FOSL2: variants seen among roughly 807,000 people sequenced by gnomAD.
FOSL2 encodes FOS like 2, AP-1 transcription factor subunit, also known as fos-related antigen 2.
Under a neutral mutation model 27.7 loss-of-function variants are expected in FOSL2, and 3 were observed. The ratio of observed to expected loss-of-function variants is 0.11; its 90% CI spans 0.05 to 0.28. FOSL2 has a LOEUF of 0.28. FOSL2 is among the 10% of genes least tolerant of loss of function. FOSL2 has a pLI of 1.00. For synonymous variants in FOSL2, 179 were observed against 190.1 expected, an observed-to-expected ratio of 0.94 and a Z score of 0.48; for missense variants, 333 against 445.1, an observed-to-expected ratio of 0.75 and a Z score of 2.27.
intron 1 of FOSL2, among the ~76,000 whole-genome samples, chr2:28,402,785 G>A (rs971995367): frequency 6.6e-6 from 1 of 152,182 alleles, no homozygotes; most frequent in Admixed American, 6.5e-5. Flanking sequence ...CAGGGGCTCT[G>A]GCCTCTTTGT....
chr2:28,403,276 C>T (rs1664010612), intron 1 of FOSL2, among the ~76,000 whole-genome samples: 2 of 152,156 alleles, frequency 1.3e-5, no homozygotes, highest in African/African-American at 4.8e-5. Flanking sequence ...ATGCTTCCTG[C>T]AGCATGTTCC....
intron 1 of FOSL2, among the ~76,000 whole-genome samples, chr2:28,394,156 T>G (rs1386718938): frequency 1.5e-3 from 58 of 39,224 alleles, no homozygotes; most frequent in African/African-American, 4.7e-3. Flanking sequence ...CCCCCACCCC[T>G]GCCCCGCGTC....
In FOSL2 at chr2:28,415,521, C is replaced by T. The variant is rs766923483; in HGVS notation, c.*3073C>T. 1.3e-5 allele frequency: 2 copies of T among 152,214 alleles called. No individual in the cohort carries two copies. The highest frequency in any genetic ancestry group is 2.4e-5 in the African/African-American group (1 of 41,460). The allele number at this position is 152,214 out of a possible 1,614,324, so 9.4% of individuals were successfully genotyped here. On this transcript the variant is annotated 3_prime_UTR_variant, in exon 4 of 4. Transcript: ENST00000264716. ...TCAGGCTCTGGGGAAAGGAATCTCC[C>T]TCTCCTCTCACTTGATTCCAAGTGT...
Position 28,393,704 on chromosome 2 carries a change from G to T in FOSL2, c.-17G>T, listed in dbSNP as rs776385440. 1 of 1,585,318 alleles carries T rather than the reference G, an allele frequency of 6.3e-7. No homozygotes were observed. The highest frequency in any genetic ancestry group is 8.6e-7 in the Non-Finnish European group (1 of 1,160,718). On this transcript the variant is annotated 5_prime_UTR_variant, in exon 1 of 4. Transcript: ENST00000264716. The surrounding 1 kb of genome is among the most constrained non-coding windows in gnomAD (Gnocchi z 4.6). ...AAGAAAAACACCCTGTTTCCTCTCC[G>T]GCCCCCACCGCGGATCATGTACCAG...
In FOSL2 at chr2:28,393,228, A is replaced by C; in HGVS notation, c.-493A>C. 1 of 221,800 alleles carries C rather than the reference A, an allele frequency of 4.5e-6. No homozygotes were observed. 13.7% of individuals were successfully genotyped at this position (221,800 alleles called of 1,614,324 possible). ...AGTTTATTCTCCGGCTCCTTTTCTAAAAGGAAGAAACAGAAGTTTCTCCCA... is the reference window on the plus strand; with the variant it reads ...AGTTTATTCTCCGGCTCCTTTTCTACAAGGAAGAAACAGAAGTTTCTCCCA... On this transcript the variant is annotated 5_prime_UTR_variant, in exon 1 of 4. Transcript: ENST00000264716. This position sits in a 1 kb window ranked among gnomAD's most constrained non-coding sequence, Gnocchi z 4.6.
chr2:28,408,179 C>T lies in FOSL2; in HGVS notation c.355-580C>T, dbSNP rs906823847. Among the ~76,000 whole-genome samples, 8 of 152,164 alleles carry T rather than the reference C, an allele frequency of 5.3e-5. No individual in the cohort carries two copies. The highest frequency in any genetic ancestry group is 1.0e-4 in the Non-Finnish European group (7 of 68,034). Reference sequence around the variant, plus strand: ...GCACCCTGGGATTGGCAGAGGAAATCGGGAGTGGAGTGGCACTCTTGGCCC... The same window carrying T: ...GCACCCTGGGATTGGCAGAGGAAATTGGGAGTGGAGTGGCACTCTTGGCCC... On this transcript the variant is annotated intron_variant, in intron 2 of 3. Coordinates refer to ENST00000264716, the MANE Select transcript of FOSL2 (RefSeq NM_005253.4). The surrounding 1 kb of genome is among the most constrained non-coding windows in gnomAD (Gnocchi z 4.1).
rs942023013 is a variant in FOSL2 at position 28,404,660 on chromosome 2, G to T, written c.354+302G>T. 1.3e-5 allele frequency among the ~76,000 whole-genome samples: 2 copies of T among 152,166 alleles called. No homozygotes were observed. The highest frequency in any genetic ancestry group is 4.8e-5 in the African/African-American group (2 of 41,432). On this transcript the variant is annotated intron_variant, in intron 2 of 3. Coordinates refer to ENST00000264716, the MANE Select transcript of FOSL2 (RefSeq NM_005253.4). The surrounding 1 kb of genome is among the most constrained non-coding windows in gnomAD (Gnocchi z 4.7). ...GGCTACAGATGGGAAGGACCATTAC[G>T]ACCTGCCCACAGCAGGATCCTTCTC...
Position 28,392,938 on chromosome 2 carries a change from G to A in FOSL2, c.-783G>A. 1 of 701,556 alleles carries A rather than the reference G, an allele frequency of 1.4e-6. No homozygotes were observed. The highest frequency in any genetic ancestry group is 1.5e-5 in the South Asian group (1 of 66,982). The allele number at this position is 701,556 out of a possible 1,614,324, so 43.5% of individuals were successfully genotyped here. On this transcript the variant is annotated 5_prime_UTR_variant, in exon 1 of 4. Coordinates refer to ENST00000264716, the MANE Select transcript of FOSL2 (RefSeq NM_005253.4). ...GAACGAGCGGCGCTCGGCGGGGACA[G>A]AAAGAGGGAGAGAGAGAGAGAGAGA... is the stretch of plus-strand genomic sequence containing the variant.
rs1413089043 is a variant in FOSL2, at chr2:28,416,913, A to G, written c.*4465A>G. On this transcript the variant is annotated 3_prime_UTR_variant, in exon 4 of 4. Transcript: ENST00000264716. ...GGCAAACAAGTTGTATATGGTTCAT[A>G]TGGCTCTATGGGGAATTTAATTACC... 6.9e-6 allele frequency: 1 copy of G among 143,994 alleles called. No individual in the cohort carries two copies. The highest frequency in any genetic ancestry group is 1.5e-5 in the Non-Finnish European group (1 of 66,214). The allele number at this position is 143,994 out of a possible 1,614,324, so 8.9% of individuals were successfully genotyped here. A position where few individuals can be genotyped will look rare whatever the true frequency, so the allele number is the denominator to read the frequency against.
rs1664037680 is a variant in FOSL2, at chr2:28,404,444, G to T, written c.354+86G>T. 1 of 1,491,162 alleles carries T rather than the reference G, an allele frequency of 6.7e-7. No individual in the cohort carries two copies. Among genetic ancestry groups the T allele is most frequent in the Non-Finnish European group, 9.1e-7 (1 of 1,102,878 alleles). The allele number at this position is 1,491,162 out of a possible 1,614,324, so 92.4% of individuals were successfully genotyped here. On this transcript the variant is annotated intron_variant, in intron 2 of 3. Transcript: ENST00000264716. This position sits in a 1 kb window ranked among gnomAD's most constrained non-coding sequence, Gnocchi z 4.7. Reference sequence around the variant, plus strand: ...GAACGGGTTTCTGCAGACTGGGAGGGTTAATGTTCTGAGAGCAGGGGAGAC... The same window carrying T: ...GAACGGGTTTCTGCAGACTGGGAGGTTTAATGTTCTGAGAGCAGGGGAGAC...
intron 3 of FOSL2, among the ~76,000 whole-genome samples, chr2:28,409,804 G>A (rs1664154184): frequency 6.6e-6 from 1 of 152,136 alleles, no homozygotes; most frequent in Non-Finnish European, 1.5e-5. Context: ...GCAGTGGGAC[G>A]ATCTCAGCTC....
rs1233241380 is a variant in FOSL2 at position 28,416,489 on chromosome 2, G to T, written c.*4041G>T. Reference sequence around the variant, plus strand: ...CTTTTTTTTTTTTTTTTTAAATTTAGGATAACACATTTTTGTTTCTAAAGT... The same window carrying T: ...CTTTTTTTTTTTTTTTTTAAATTTATGATAACACATTTTTGTTTCTAAAGT... On this transcript the variant is annotated 3_prime_UTR_variant, in exon 4 of 4. Transcript: ENST00000264716. 1.4e-5 allele frequency: 2 copies of T among 142,320 alleles called. No individual in the cohort carries two copies. Among genetic ancestry groups the T allele is most frequent in the African/African-American group, 2.6e-5 (1 of 38,270 alleles). 8.8% of individuals were successfully genotyped at this position (142,320 alleles called of 1,614,324 possible). A position where few individuals can be genotyped will look rare whatever the true frequency, so the allele number is the denominator to read the frequency against.
rs1166787223 is a variant in FOSL2, at chr2:28,417,153, A to G, written c.*4705A>G. 2.0e-5 allele frequency: 3 copies of G among 152,020 alleles called. No homozygotes were observed. Among genetic ancestry groups the G allele is most frequent in the African/African-American group, 7.3e-5 (3 of 41,370 alleles). The allele number at this position is 152,020 out of a possible 1,614,324, so 9.4% of individuals were successfully genotyped here. A position where few individuals can be genotyped will look rare whatever the true frequency, so the allele number is the denominator to read the frequency against. On this transcript the variant is annotated 3_prime_UTR_variant, in exon 4 of 4. Transcript: ENST00000264716. The stretch of plus-strand genomic sequence containing the variant: ...TTTACTATATGTAATACAAGCCTAC[A>G]GTATTTGCACTAAAGAAAGCTTGTT...
rs562022145 is a variant in FOSL2, at chr2:28,414,107, C to G, written c.*1659C>G. 2.9e-6 allele frequency: 1 copy of G among 346,448 alleles called. No homozygotes were observed. The highest frequency in any genetic ancestry group is 2.1e-5 in the African/African-American group (1 of 47,888). The allele number at this position is 346,448 out of a possible 1,614,324, so 21.5% of individuals were successfully genotyped here. On this transcript the variant is annotated 3_prime_UTR_variant, in exon 4 of 4. Coordinates refer to ENST00000264716, the MANE Select transcript of FOSL2 (RefSeq NM_005253.4). Reference sequence around the variant, plus strand: ...AGAACCAGCCTCTGCGGGGCTTGTGCTCTGCAAAGACTCTGCTGCTGGGGA... The same window carrying G: ...AGAACCAGCCTCTGCGGGGCTTGTGGTCTGCAAAGACTCTGCTGCTGGGGA...
chr2:28,403,898 C>T (rs1234993437), intron 1 of FOSL2, among the ~76,000 whole-genome samples: 5 of 152,152 alleles, frequency 3.3e-5, no homozygotes, highest in East Asian at 1.9e-4. Context: ...GGAGCAGATC[C>T]GACGTGAAGC....
Position 28,393,185 on chromosome 2 carries a change from G to C in FOSL2, c.-536G>C, listed in dbSNP as rs1361203338. On this transcript the variant is annotated 5_prime_UTR_variant, in exon 1 of 4. Transcript: ENST00000264716. This position sits in a 1 kb window ranked among gnomAD's most constrained non-coding sequence, Gnocchi z 4.6. Reference sequence around the variant, plus strand: ...ATCCGAGCCGCCCCGAAACTCGGGCGGCGAGTCGGCCACGGGAAGTTTATT... The same window carrying C: ...ATCCGAGCCGCCCCGAAACTCGGGCCGCGAGTCGGCCACGGGAAGTTTATT... The C allele has an allele frequency of 2.3e-5, 6 of 262,048 alleles. No individual in the cohort carries two copies. The Admixed American group carries it at 2.8e-4, about 12-fold the overall frequency. The allele number at this position is 262,048 out of a possible 1,614,324, so 16.2% of individuals were successfully genotyped here.
chr2:28,395,777 G>A (rs1663820402), intron 1 of FOSL2: 1 of 152,226 alleles, frequency 6.6e-6, no homozygotes, highest in Non-Finnish European at 1.5e-5. Flanking sequence ...GATTGGCAAG[G>A]TAATGCCACT....
chr2:28,412,456 C>A lies in FOSL2; in HGVS notation c.*8C>A. 6.3e-7 allele frequency: 1 copy of A among 1,595,010 alleles called. No homozygotes were observed. Among genetic ancestry groups the A allele is most frequent in the Non-Finnish European group, 8.5e-7 (1 of 1,176,374 alleles). ...ACTCTGCTGGCTCTGTAACCCAGTGCACCTCCCTCCCCAGCTCCGGAGGGG... is the reference window on the plus strand; with the variant it reads ...ACTCTGCTGGCTCTGTAACCCAGTGAACCTCCCTCCCCAGCTCCGGAGGGG... On this transcript the variant is annotated 3_prime_UTR_variant, in exon 4 of 4. Transcript: ENST00000264716. This position sits in a 1 kb window ranked among gnomAD's most constrained non-coding sequence, Gnocchi z 7.1.
rs1437702094 is a variant in FOSL2, at chr2:28,416,422, G to A, written c.*3974G>A. On this transcript the variant is annotated 3_prime_UTR_variant, in exon 4 of 4. Coordinates refer to ENST00000264716, the MANE Select transcript of FOSL2 (RefSeq NM_005253.4). ...GTTGTATCAAGCCTGAATAGAAACT[G>A]ATAGCATTAAAATACTCCGTTCCTC... 6.7e-6 allele frequency: 1 copy of A among 149,280 alleles called. No homozygotes were observed. Among genetic ancestry groups the A allele is most frequent in the East Asian group, 2.0e-4 (1 of 5,120 alleles). 9.2% of individuals were successfully genotyped at this position (149,280 alleles called of 1,614,324 possible).
Sources: allele counts gnomAD v4.1 joint callset (sites outside exome capture counted in the v4.1 genomes callset), GRCh38; gene constraint gnomAD v4.1.1; non-coding constraint Gnocchi (gnomAD v3.1); transcripts MANE v1.5; gene names NCBI Gene and HGNC (gene_info 2026-07-23, HGNC 2026-07-21).